Variants in PRMT3 observed in about 807,000 individuals in gnomAD.
PRMT3 encodes the protein protein arginine N-methyltransferase 3.
In PRMT3, 62 loss-of-function variants were observed where a neutral mutation model predicts 71.9. That is an observed-to-expected ratio of 0.86 (90% CI 0.70 to 1.07). The LOEUF (loss-of-function observed/expected upper bound fraction) is 1.07. PRMT3 is among the 50% of genes least tolerant of loss of function. PRMT3 has a pLI of 0.00. For missense variants in PRMT3, 663 were observed against 643.0 expected (o/e 1.03, Z -0.34); for synonymous variants, 213 against 220.4 (o/e 0.97, Z 0.30).
chr11:20,453,572 G>A (rs573194665), intron 11 of PRMT3, among the ~76,000 whole-genome samples: 1 of 151,754 alleles, frequency 6.6e-6, no homozygotes, highest in African/African-American at 2.4e-5. Flanking sequence ...CATTTAAATG[G>A]ATTGCCTTTC....
At chr11:20,471,464 A>G (rs994548026) in intron 13 of PRMT3, among the ~76,000 whole-genome samples, 4 of 152,082 alleles carry the variant, frequency 2.6e-5, no homozygotes, top group African/African-American at 7.2e-5. Flanking sequence ...ACCATTTATT[A>G]GAGACTCCTT....
At chr11:20,391,049 CAAAA>C (rs57575758) in intron 3 of PRMT3, among the ~76,000 whole-genome samples, 1 of 144,452 alleles carries the variant, frequency 6.9e-6, no homozygotes. Context: ...GACGCCGTCT[CAAAA>C]AAAAAAAAAT....
Position 20,481,377 on chromosome 11 carries a change from C to T in PRMT3, c.1348-12542C>T, listed in dbSNP as rs560315336. On this transcript the variant is annotated intron_variant, in intron 13 of 15. Coordinates refer to ENST00000331079, the MANE Select transcript of PRMT3 (RefSeq NM_005788.4). ...GAGCATGATGTGAGAAACACATCTGCTGTTTCTTTAGTAGATTTCTGTAGG... is the reference window on the plus strand; with the variant it reads ...GAGCATGATGTGAGAAACACATCTGTTGTTTCTTTAGTAGATTTCTGTAGG... Among the ~76,000 whole-genome samples, 7 of 152,074 alleles carry T rather than the reference C, an allele frequency of 4.6e-5. 1 individual carries two copies. In the South Asian group the frequency reaches 1.5e-3, roughly 32 times the overall value.
chr11:20,464,740 A>G (rs555267787), intron 13 of PRMT3, among the ~76,000 whole-genome samples, 194 bp downstream of exon 13: 106 of 152,310 alleles, frequency 7.0e-4, no homozygotes, highest in Non-Finnish European at 1.1e-3. Flanking sequence ...ATTCAGTAGA[A>G]AAAGTATTAG....
chr11:20,469,990 A>G (rs1850604999), intron 13 of PRMT3, among the ~76,000 whole-genome samples: 2 of 152,156 alleles, frequency 1.3e-5, no homozygotes, highest in Admixed American at 1.3e-4. Flanking sequence ...GTATCACTTA[A>G]TGAGGGGGAT....
chr11:20,500,670 A>C (rs1045984620), intron 15 of PRMT3, among the ~76,000 whole-genome samples: 2 of 152,196 alleles, frequency 1.3e-5, no homozygotes, highest in African/African-American at 4.8e-5. Context: ...AGAACAAGTA[A>C]ATATTTGTTT....
At chr11:20,493,078 C>T (rs968775493) in intron 13 of PRMT3, among the ~76,000 whole-genome samples, 6 of 150,828 alleles carry the variant, frequency 4.0e-5, no homozygotes, top group African/African-American at 9.8e-5. Context: ...ACCCAGGAGG[C>T]GGAGGTTGCA....
chr11:20,430,738 C>T (rs574581853), intron 10 of PRMT3, among the ~76,000 whole-genome samples: 49 of 152,220 alleles, frequency 3.2e-4, no homozygotes, highest in Non-Finnish European at 6.5e-4. Context: ...CACCTAAAAT[C>T]TATTCTCTTA....
intron 15 of PRMT3, among the ~76,000 whole-genome samples, chr11:20,501,082 GGTT>G (rs1851447399): frequency 6.6e-6 from 1 of 152,036 alleles, no homozygotes; most frequent in Non-Finnish European, 1.5e-5. Flanking sequence ...CTACCTAGAA[GGTT>G]GTTTTGACCT....
At chr11:20,448,975 CG>C (rs1181366801) in intron 10 of PRMT3, among the ~76,000 whole-genome samples, 1 of 152,056 alleles carries the variant, frequency 6.6e-6, no homozygotes, top group Non-Finnish European at 1.5e-5. Context: ...TGCAGATGAG[CG>C]GGGCATTTGG....
At chr11:20,462,336 A>G (rs966141057) in intron 12 of PRMT3, among the ~76,000 whole-genome samples, 169 bp downstream of exon 12, 5 of 152,156 alleles carry the variant, frequency 3.3e-5, no homozygotes, top group African/African-American at 1.2e-4. Flanking sequence ...TGACTATATC[A>G]TCTCTTTAGA....
intron 13 of PRMT3, among the ~76,000 whole-genome samples, chr11:20,488,374 T>A (rs916087552): frequency 1.3e-5 from 2 of 152,220 alleles, no homozygotes; most frequent in Non-Finnish European, 2.9e-5. Flanking sequence ...ATTGTCTGCT[T>A]ACTCTTTCTT....
chr11:20,458,502 C>T (rs150723434), intron 11 of PRMT3, among the ~76,000 whole-genome samples: 95 of 152,236 alleles, frequency 6.2e-4, no homozygotes, highest in South Asian at 2.1e-3. Context: ...GTCCAATCAG[C>T]GCTTTGTTAA....
chr11:20,472,177 T>G (rs1269209901), intron 13 of PRMT3, among the ~76,000 whole-genome samples: 2 of 152,214 alleles, frequency 1.3e-5, no homozygotes, highest in Non-Finnish European at 2.9e-5. Context: ...TCTTACTATT[T>G]AAATATGCTT....
At chr11:20,481,272 A>AG (rs1226324907) in intron 13 of PRMT3, among the ~76,000 whole-genome samples, 3 of 151,744 alleles carry the variant, frequency 2.0e-5, no homozygotes, top group Non-Finnish European at 4.4e-5. Context: ...TAAAAAAAAA[A>AG]AAAGTCTGAG....
At position 20,467,803 on chromosome 11, in the gene PRMT3, C is replaced by T. The variant is rs114770638; in HGVS notation, c.1347+3257C>T. Among the ~76,000 whole-genome samples the T allele has an allele frequency of 9.5e-3, 1,452 of 152,308 alleles. 31 individuals carry two copies. Among genetic ancestry groups the T allele is most frequent in the African/African-American group, 0.034 (1,401 of 41,576 alleles). ...CTCCTTCCCAGCATGCTAACTCTAACGTGAGCTTGACATATGTAAGATGTT... is the reference window on the plus strand; with the variant it reads ...CTCCTTCCCAGCATGCTAACTCTAATGTGAGCTTGACATATGTAAGATGTT... On this transcript the variant is annotated intron_variant, in intron 13 of 15. Transcript: ENST00000331079.
intron 9 of PRMT3, among the ~76,000 whole-genome samples, chr11:20,409,105 AT>A (rs1565199388): frequency 6.6e-6 from 1 of 152,144 alleles, no homozygotes; most frequent in Admixed American, 6.6e-5. Context: ...TCCAAAAAAA[AT>A]TTTTTAAATT....
intron 4 of PRMT3, 104 bp from the exon 5 acceptor site, chr11:20,392,793 T>C: frequency 1.3e-6 from 1 of 744,708 alleles, no homozygotes; most frequent in Non-Finnish European, 2.3e-6. Flanking sequence ...TGACTTTGTG[T>C]AATGCAAACA....
At chr11:20,436,089 G>A (rs1849753912) in intron 10 of PRMT3, among the ~76,000 whole-genome samples, 1 of 152,136 alleles carries the variant, frequency 6.6e-6, no homozygotes, top group African/African-American at 2.4e-5. Flanking sequence ...TTATATAAAT[G>A]GGATTGCTTT....
Sources: allele counts gnomAD v4.1 joint callset (sites outside exome capture counted in the v4.1 genomes callset), GRCh38; gene constraint gnomAD v4.1.1; transcripts MANE v1.5; gene names NCBI Gene and HGNC (gene_info 2026-07-23, HGNC 2026-07-21).